BTBD9: variants seen among roughly 807,000 people sequenced by gnomAD.
BTBD9 encodes the protein BTB/POZ domain-containing protein 9.
In BTBD9, 49 loss-of-function variants were observed where a neutral mutation model predicts 64.3. That is an observed-to-expected ratio of 0.76 (90% CI 0.61 to 0.97). The LOEUF is 0.97. Among genes scored for constraint, BTBD9 ranks in the 50% least tolerant of loss-of-function variants. BTBD9 has a pLI of 0.00. For synonymous variants in BTBD9, 260 were observed against 274.7 expected (o/e 0.95, Z 0.53); for missense variants, 598 against 762.1 (o/e 0.78, Z 2.53).
At chr6:38,320,149 G>A (rs780149064) in intron 7 of BTBD9, among the ~76,000 whole-genome samples, 11 of 152,210 alleles carry the variant, frequency 7.2e-5, no homozygotes, top group Non-Finnish European at 1.5e-4. Context: ...GCTACTGGGG[G>A]AGAGATGGCA....
chr6:38,620,410 G>A (rs1161465547), intron 1 of BTBD9, among the ~76,000 whole-genome samples: 1 of 152,132 alleles, frequency 6.6e-6, no homozygotes, highest in African/African-American at 2.4e-5. Context: ...CAGACCACAC[G>A]TCCCAATTTA....
chr6:38,257,890 T>C (rs34919903), intron 8 of BTBD9, among the ~76,000 whole-genome samples: 49,602 of 151,680 alleles, frequency 0.33, 9,045 homozygotes, highest in Non-Finnish European at 0.41. Context: ...TGAGTGGTAG[T>C]TACACGGGCA....
chr6:38,189,060 AC>A (rs1438016586), intron 10 of BTBD9, among the ~76,000 whole-genome samples: 1 of 152,112 alleles, frequency 6.6e-6, no homozygotes, highest in African/African-American at 2.4e-5. Flanking sequence ...GACAGAGGAA[AC>A]CCTGCATCCT....
intron 6 of BTBD9, among the ~76,000 whole-genome samples, chr6:38,415,154 C>T (rs1767608355): frequency 6.6e-6 from 1 of 152,118 alleles, no homozygotes; most frequent in Non-Finnish European, 1.5e-5. Context: ...AATGACCCTC[C>T]CCAAACATGT....
At chr6:38,189,434 G>T (rs1170837037) in intron 10 of BTBD9, among the ~76,000 whole-genome samples, 1 of 152,194 alleles carries the variant, frequency 6.6e-6, no homozygotes, top group African/African-American at 2.4e-5. Context: ...CTGCAGTAAA[G>T]AACATTCTCT....
At chr6:38,624,281 C>T (rs1343524886) in intron 1 of BTBD9, among the ~76,000 whole-genome samples, 1 of 152,160 alleles carries the variant, frequency 6.6e-6, no homozygotes, top group Non-Finnish European at 1.5e-5. Flanking sequence ...AGCTGGCCAC[C>T]CCAGCCAGCA....
At chr6:38,290,913 C>T (rs1761932918) in intron 7 of BTBD9, among the ~76,000 whole-genome samples, 1 of 152,132 alleles carries the variant, frequency 6.6e-6, no homozygotes, top group Middle Eastern at 3.2e-3. Flanking sequence ...ACATCTGGGT[C>T]ATCTGTTTCA....
chr6:38,503,401 G>T (rs1244024677), intron 6 of BTBD9, among the ~76,000 whole-genome samples: 2 of 151,526 alleles, frequency 1.3e-5, no homozygotes, highest in African/African-American at 4.9e-5. Flanking sequence ...AGGTAGCTCT[G>T]CTCTTCAACC....
chr6:38,418,926 A>G (rs1250327185), intron 6 of BTBD9, among the ~76,000 whole-genome samples: 3 of 152,178 alleles, frequency 2.0e-5, no homozygotes, highest in Non-Finnish European at 4.4e-5. Context: ...CAGCCTGGAC[A>G]AGTGAGACCC....
intron 6 of BTBD9, among the ~76,000 whole-genome samples, chr6:38,379,892 G>T (rs1051403981): frequency 1.3e-5 from 2 of 152,150 alleles, no homozygotes; most frequent in Admixed American, 1.3e-4. Flanking sequence ...GTCATCTATT[G>T]TCATATTAGG....
At chr6:38,290,884 G>C (rs1329744646) in intron 7 of BTBD9, among the ~76,000 whole-genome samples, 5 of 152,196 alleles carry the variant, frequency 3.3e-5, no homozygotes, top group Admixed American at 3.3e-4. Flanking sequence ...CTGGATGAAA[G>C]AGCATTTAAC....
chr6:38,420,475 C>T (rs1767853080), intron 6 of BTBD9, among the ~76,000 whole-genome samples: 1 of 152,100 alleles, frequency 6.6e-6, no homozygotes, highest in South Asian at 2.1e-4. Context: ...CCATATCCAA[C>T]AGTAGGATTT....
chr6:38,221,765 G>C (rs1358477913), intron 9 of BTBD9, among the ~76,000 whole-genome samples: 1 of 152,190 alleles, frequency 6.6e-6, no homozygotes, highest in Non-Finnish European at 1.5e-5. Context: ...GGCCGAGGCA[G>C]GCGAATCACA....
chr6:38,319,131 A>C (rs1234382971), intron 7 of BTBD9, among the ~76,000 whole-genome samples: 1 of 152,070 alleles, frequency 6.6e-6, no homozygotes, highest in Admixed American at 6.5e-5. Flanking sequence ...GTATGCTGCC[A>C]GGCCTGGCAC....
intron 6 of BTBD9, among the ~76,000 whole-genome samples, 189 bp downstream of exon 6, chr6:38,577,411 T>C (rs968211883): frequency 6.6e-6 from 1 of 152,212 alleles, no homozygotes; most frequent in African/African-American, 2.4e-5. Context: ...TATAAATAGT[T>C]CCACAACACA....
intron 9 of BTBD9, among the ~76,000 whole-genome samples, chr6:38,218,282 A>G (rs1763082027): frequency 6.6e-6 from 1 of 152,152 alleles, no homozygotes; most frequent in South Asian, 2.1e-4. Flanking sequence ...AAATGTAAAA[A>G]CCATTCTTAG....
chr6:38,244,746 T>G (rs1245213365), intron 9 of BTBD9, among the ~76,000 whole-genome samples: 1 of 152,112 alleles, frequency 6.6e-6, no homozygotes, highest in East Asian at 1.9e-4. Context: ...GGGGCAATGA[T>G]AGATGTAAAA....
intron 4 of BTBD9, among the ~76,000 whole-genome samples, chr6:38,582,980 T>C (rs1297544121): frequency 1.3e-5 from 2 of 152,204 alleles, no homozygotes; most frequent in African/African-American, 2.4e-5. Flanking sequence ...TCGACAGAGA[T>C]AGGCCCTGCC....
At chr6:38,541,785 T>C (rs1003305989) in intron 6 of BTBD9, among the ~76,000 whole-genome samples, 1 of 152,178 alleles carries the variant, frequency 6.6e-6, no homozygotes, top group Non-Finnish European at 1.5e-5. Context: ...TGACCCACAT[T>C]GAAATCTCTA....
Sources: gnomAD v4.1 joint callset for allele counts (sites outside exome capture counted in the v4.1 genomes callset) on GRCh38, gnomAD v4.1.1 for gene constraint, MANE v1.5 for transcripts, NCBI Gene and HGNC (gene_info 2026-07-23, HGNC 2026-07-21) for gene names.